USH2A: variants seen among roughly 807,000 people sequenced by gnomAD.
The protein encoded by USH2A is usherin, also known as Usher syndrome 2A (autosomal recessive, mild).
USH2A carries 443 observed loss-of-function variants against 538.9 expected under a neutral mutation model. The ratio of observed to expected loss-of-function variants is 0.82; its 90% CI spans 0.76 to 0.89. The LOEUF (loss-of-function observed/expected upper bound fraction) is 0.89. Among genes scored for constraint, USH2A ranks in the 40% least tolerant of loss-of-function variants. The pLI, the probability that USH2A is intolerant of heterozygous loss-of-function variation, is 0.00. For synonymous variants in USH2A, 2,413 were observed against 2,273.5 expected (o/e 1.06, Z -1.75); for missense variants, 6,633 against 6,324.8 (o/e 1.05, Z -1.65).
chr1:215,964,404 C>T (rs992856046), intron 37 of USH2A, among the ~76,000 whole-genome samples: 12 of 152,254 alleles, frequency 7.9e-5, no homozygotes, highest in Middle Eastern at 3.4e-3. Context: ...AAATAACCAC[C>T]CTTTTCAAAT....
At chr1:216,218,902 A>G (rs1375023982) in intron 14 of USH2A, among the ~76,000 whole-genome samples, 3 of 152,096 alleles carry the variant, frequency 2.0e-5, no homozygotes, top group African/African-American at 7.2e-5. Context: ...TAATTTCTTT[A>G]TAGGCTATTA....
intron 23 of USH2A, among the ~76,000 whole-genome samples, chr1:216,088,804 T>G (rs1037197355): frequency 6.6e-6 from 1 of 152,126 alleles, no homozygotes; most frequent in Non-Finnish European, 1.5e-5. Context: ...TCATTGTTAT[T>G]TTTTTCTTTA....
chr1:215,852,017 T>C (rs981500936), intron 44 of USH2A, among the ~76,000 whole-genome samples: 1 of 151,996 alleles, frequency 6.6e-6, no homozygotes, highest in Non-Finnish European at 1.5e-5. Context: ...CTCAGCAAAA[T>C]AGGCATAGAA....
Position 215,891,499 on chromosome 1 carries a change from C to T in USH2A, c.7595-2445G>A, listed in dbSNP as rs7546633. Among the ~76,000 whole-genome samples, 26,577 of 152,080 alleles carry T rather than the reference C, an allele frequency of 0.17. 2,496 individuals carry two copies. Among genetic ancestry groups the T allele is most frequent in the African/African-American group, 0.22 (9,118 of 41,474 alleles). ...GCCTGCAACTGCATGGTTGAAAGGG[C>T]CACCACAATTATGTAAAACATGAGT... On this transcript the variant is annotated intron_variant, in intron 40 of 71. Transcript: ENST00000307340.
At chr1:215,672,670 G>A (rs1353235518) in intron 63 of USH2A, among the ~76,000 whole-genome samples, 3 of 152,236 alleles carry the variant, frequency 2.0e-5, no homozygotes, top group Middle Eastern at 3.4e-3. Context: ...CCAGCTGGGG[G>A]TGCTGAAAGG....
chr1:215,698,410 C>T (rs1658887173), intron 61 of USH2A, among the ~76,000 whole-genome samples: 1 of 152,182 alleles, frequency 6.6e-6, no homozygotes, highest in South Asian at 2.1e-4. Flanking sequence ...CTGTCTTCCA[C>T]AATGGTTAAA....
intron 21 of USH2A, among the ~76,000 whole-genome samples, chr1:216,117,473 A>G (rs1198452345): frequency 6.6e-6 from 1 of 152,168 alleles, no homozygotes; most frequent in African/African-American, 2.4e-5. Flanking sequence ...GTGGGAATTA[A>G]TAAGTATTAA....
Position 215,743,256 on chromosome 1 carries a change from A to G in USH2A, c.11469T>C (p.Val3823=), listed in dbSNP as rs1323942014. The change falls in exon 59 of 72, where the codon GTT becomes GTC. Residue 3823 remains valine, a synonymous_variant. Coordinates refer to ENST00000307340, the MANE Select transcript of USH2A (RefSeq NM_206933.4). ...DGSVTPLAFS[V]GHHQSTLLEN... ...CCAGAAGGGTGGATTGATGATGACC[A>G]ACGGAGAAGGCCAGAGGTGTTACAC... 1 of 1,612,352 alleles carries G rather than the reference A, an allele frequency of 6.2e-7. No individual in the cohort carries two copies. The highest frequency in any genetic ancestry group is 8.5e-7 in the Non-Finnish European group (1 of 1,179,496).
At chr1:215,735,836 T>C (rs2102720693) in intron 60 of USH2A, among the ~76,000 whole-genome samples, 1 of 152,328 alleles carries the variant, frequency 6.6e-6, no homozygotes, top group East Asian at 1.9e-4. Flanking sequence ...AACTGCCAGA[T>C]GGATTTGTCT....
intron 40 of USH2A, among the ~76,000 whole-genome samples, chr1:215,897,726 A>AGAAG (rs1665386020): frequency 6.6e-6 from 1 of 151,514 alleles, no homozygotes; most frequent in Admixed American, 6.6e-5. Flanking sequence ...AGAAAGAGAA[A>AGAAG]GAAAGAAAGA....
intron 21 of USH2A, among the ~76,000 whole-genome samples, chr1:216,129,099 T>C (rs998132725): frequency 2.6e-5 from 4 of 152,126 alleles, no homozygotes; most frequent in African/African-American, 9.6e-5. Flanking sequence ...TCTTTTTTAA[T>C]GGCTGAATAT....
At chr1:216,000,948 A>C (rs1388214588) in intron 32 of USH2A, among the ~76,000 whole-genome samples, 3 of 152,168 alleles carry the variant, frequency 2.0e-5, no homozygotes, top group Admixed American at 2.0e-4. Context: ...TTGAAATGCC[A>C]ATACATAGCT....
At chr1:216,082,783 G>C (rs2031994199) in intron 26 of USH2A, among the ~76,000 whole-genome samples, 1 of 152,012 alleles carries the variant, frequency 6.6e-6, no homozygotes, top group Admixed American at 6.6e-5. Flanking sequence ...TAAGAGAAGA[G>C]AAATACTACA....
chr1:216,200,098 C>T lies in USH2A; in HGVS notation c.3340G>A (p.Asp1114Asn). The change falls in exon 17 of 72, where the codon GAC becomes AAC. Residue 1114 changes from aspartate to asparagine, a missense_variant. Coordinates refer to ENST00000307340, the MANE Select transcript of USH2A (RefSeq NM_206933.4). ...PYSIQYFLDTDLLPYTKYSYY... is the reference protein window; with the variant it reads ...PYSIQYFLDTNLLPYTKYSYY... ...GAATATTTGGTATATGGTAACAGGT[C>T]TGTGTCTAAGAAGTATTGAATACCT... 1 of 1,611,586 alleles carries T rather than the reference C, an allele frequency of 6.2e-7. No homozygotes were observed. The highest frequency in any genetic ancestry group is 8.5e-7 in the Non-Finnish European group (1 of 1,179,218).
chr1:215,863,073 G>C (rs886372033), intron 44 of USH2A, among the ~76,000 whole-genome samples: 3 of 152,158 alleles, frequency 2.0e-5, no homozygotes, highest in African/African-American at 7.2e-5. Flanking sequence ...GAAGTAGTTG[G>C]TGAGAAGAGG....
At chr1:215,732,019 T>A (rs994759859) in intron 60 of USH2A, among the ~76,000 whole-genome samples, 1 of 152,192 alleles carries the variant, frequency 6.6e-6, no homozygotes, top group Non-Finnish European at 1.5e-5. Context: ...TGAAAATTCT[T>A]ATAAAAATTA....
intron 3 of USH2A, among the ~76,000 whole-genome samples, chr1:216,386,017 T>A (rs1428915482): frequency 6.6e-6 from 1 of 152,188 alleles, no homozygotes; most frequent in Non-Finnish European, 1.5e-5. Context: ...AATGTTACAG[T>A]CATTAGTGTT....
chr1:216,215,959 A>C (rs2035334247), intron 15 of USH2A, among the ~76,000 whole-genome samples: 1 of 152,082 alleles, frequency 6.6e-6, no homozygotes, highest in African/African-American at 2.4e-5. Context: ...CTCAAATGCA[A>C]GAAGGAATAG....
intron 15 of USH2A, among the ~76,000 whole-genome samples, chr1:216,216,882 C>T (rs537388860): frequency 6.6e-6 from 1 of 151,912 alleles, no homozygotes. Flanking sequence ...ACGAATGATA[C>T]TAATTATTAC....
Sources: allele counts gnomAD v4.1 joint callset (sites outside exome capture counted in the v4.1 genomes callset), GRCh38; gene constraint gnomAD v4.1.1; transcripts MANE v1.5; gene names NCBI Gene and HGNC (gene_info 2026-07-23, HGNC 2026-07-21).